TMOD3: variants seen among roughly 807,000 people sequenced by gnomAD.
TMOD3 encodes the protein tropomodulin-3.
A neutral mutation model predicts 39.2 loss-of-function variants in TMOD3; 20 were observed. The ratio of observed to expected loss-of-function variants is 0.51; its 90% CI spans 0.36 to 0.74. The LOEUF (loss-of-function observed/expected upper bound fraction) is 0.74. Ranked by LOEUF, TMOD3 falls within the 30% of genes least tolerant of loss-of-function variation. The pLI is 0.00. For synonymous variants in TMOD3, 143 were observed against 145.8 expected (o/e 0.98, Z 0.14); for missense variants, 381 against 412.8 (o/e 0.92, Z 0.67).
intron 1 of TMOD3, among the ~76,000 whole-genome samples, chr15:51,836,334 G>A (rs890723072): frequency 6.6e-6 from 1 of 151,908 alleles, no homozygotes; most frequent in South Asian, 2.1e-4. Context: ...CCAGCCCTAG[G>A]CAACCACTAA....
intron 2 of TMOD3, among the ~76,000 whole-genome samples, chr15:51,867,956 G>A (rs1287660289): frequency 2.0e-5 from 3 of 152,192 alleles, no homozygotes; most frequent in African/African-American, 7.2e-5. Flanking sequence ...CAAAAAGGCT[G>A]TACCCGTGTG....
rs556889290 is a variant in TMOD3, at chr15:51,868,276, G to A, written c.127-941G>A. Among the ~76,000 whole-genome samples, 32 of 151,758 alleles carry A rather than the reference G, an allele frequency of 2.1e-4. 1 individual carries two copies. In the South Asian group the frequency reaches 6.0e-3, roughly 29 times the overall value. On this transcript the variant is annotated intron_variant, in intron 2 of 9. Coordinates refer to ENST00000308580, the MANE Select transcript of TMOD3 (RefSeq NM_014547.5). ...TATTCTCTGTACATATATATACACTGAGCAGTTATTAAGCATTAATAAAAC... is the reference window on the plus strand; with the variant it reads ...TATTCTCTGTACATATATATACACTAAGCAGTTATTAAGCATTAATAAAAC...
chr15:51,886,603 C>T (rs916514476), intron 3 of TMOD3, among the ~76,000 whole-genome samples: 5 of 152,212 alleles, frequency 3.3e-5, no homozygotes, highest in South Asian at 2.1e-4. Flanking sequence ...TGCAGTGAGC[C>T]GAGATGGCAG....
chr15:51,895,688 A>C (rs1270908635), intron 6 of TMOD3, among the ~76,000 whole-genome samples: 2 of 152,178 alleles, frequency 1.3e-5, no homozygotes, highest in African/African-American at 4.8e-5. Context: ...AATCTCTCTT[A>C]GTGCTTTGTA....
At chr15:51,841,424 C>G (rs1031611248) in intron 1 of TMOD3, among the ~76,000 whole-genome samples, 21 of 152,160 alleles carry the variant, frequency 1.4e-4, no homozygotes, top group Admixed American at 1.2e-3. Flanking sequence ...TCAGCAACCT[C>G]CTCTCTTTTC....
Position 51,853,114 on chromosome 15 carries a change from T to C in TMOD3, c.-74-9697T>C, listed in dbSNP as rs540030950. Among the ~76,000 whole-genome samples the C allele has an allele frequency of 8.4e-4, 128 of 152,344 alleles. 1 individual carries two copies. The highest frequency in any genetic ancestry group is 5.9e-5 in the Non-Finnish European group (4 of 68,032). Reference sequence around the variant, plus strand: ...TTAATATCTAGTGAGGAAAGCTACATGAATAGCTGAATTTTAATTAGAAGA... The same window carrying C: ...TTAATATCTAGTGAGGAAAGCTACACGAATAGCTGAATTTTAATTAGAAGA... On this transcript the variant is annotated intron_variant, in intron 1 of 9. Transcript: ENST00000308580.
At chr15:51,842,794 A>G (rs992871723) in intron 1 of TMOD3, among the ~76,000 whole-genome samples, 1 of 152,200 alleles carries the variant, frequency 6.6e-6, no homozygotes, top group Non-Finnish European at 1.5e-5. Context: ...GAAGTACAAA[A>G]TACATTATGC....
intron 6 of TMOD3, among the ~76,000 whole-genome samples, chr15:51,895,828 G>T (rs925718140): frequency 6.6e-6 from 1 of 152,154 alleles, no homozygotes; most frequent in Non-Finnish European, 1.5e-5. Flanking sequence ...AATAATGAAG[G>T]CTGGGTGCAG....
chr15:51,907,941 A>T (rs1278383500), intron 9 of TMOD3, among the ~76,000 whole-genome samples: 1 of 152,180 alleles, frequency 6.6e-6, no homozygotes, highest in Admixed American at 6.5e-5. Flanking sequence ...GCCAAAGTTT[A>T]TGGTAGCCGG....
intron 3 of TMOD3, among the ~76,000 whole-genome samples, chr15:51,883,895 T>C (rs543953521): frequency 6.6e-6 from 1 of 152,222 alleles, no homozygotes; most frequent in East Asian, 1.9e-4. Context: ...CCCCCTGAAA[T>C]GTATACCACT....
intron 1 of TMOD3, among the ~76,000 whole-genome samples, chr15:51,835,451 G>A (rs1387900772): frequency 6.6e-6 from 1 of 152,156 alleles, no homozygotes; most frequent in Non-Finnish European, 1.5e-5. Flanking sequence ...TGGGACTACA[G>A]GCATGCACCA....
chr15:51,903,593 T>G (rs937529879), intron 9 of TMOD3, among the ~76,000 whole-genome samples: 2 of 152,250 alleles, frequency 1.3e-5, no homozygotes, highest in Non-Finnish European at 2.9e-5. Context: ...TGCTTGCTTT[T>G]GAAAATAGAA....
At chr15:51,840,111 G>C (rs1363287228) in intron 1 of TMOD3, among the ~76,000 whole-genome samples, 2 of 152,158 alleles carry the variant, frequency 1.3e-5, no homozygotes, top group Non-Finnish European at 2.9e-5. Context: ...AATAGATTGT[G>C]GTCTCTCTGT....
chr15:51,848,548 A>G (rs2570245), intron 1 of TMOD3, among the ~76,000 whole-genome samples: 7,433 of 152,296 alleles, frequency 0.049, 418 homozygotes, highest in African/African-American at 0.12. Context: ...ATTTTGAACC[A>G]TGCCAAACAG....
chr15:51,900,492 G>A (rs1027198899), intron 8 of TMOD3, among the ~76,000 whole-genome samples, 194 bp downstream of exon 8: 1 of 152,086 alleles, frequency 6.6e-6, no homozygotes, highest in Admixed American at 6.6e-5. Context: ...CAATGTAAAG[G>A]TGTATACTCT....
chr15:51,867,498 A>T (rs1258214387), intron 2 of TMOD3, among the ~76,000 whole-genome samples: 1 of 152,226 alleles, frequency 6.6e-6, no homozygotes, highest in Non-Finnish European at 1.5e-5. Flanking sequence ...GTACCATTAC[A>T]TAAAGGGTAA....
intron 9 of TMOD3, among the ~76,000 whole-genome samples, chr15:51,907,851 G>A (rs2056690230): frequency 6.6e-6 from 1 of 152,190 alleles, no homozygotes; most frequent in Non-Finnish European, 1.5e-5. Flanking sequence ...ACCAGTCCAG[G>A]AAGAGGCTGG....
rs562324627 is a variant in TMOD3, at chr15:51,905,812, C to T, written c.1025-2964C>T. Among the ~76,000 whole-genome samples the T allele has an allele frequency of 2.6e-4, 39 of 151,684 alleles. 1 individual carries two copies. The South Asian group carries it at 8.1e-3, about 32-fold the overall frequency. ...ACAAAAAATTAGCTGGGCGCGGTGG[C>T]GGGCGCCTGTAGTCCCAGCTACTCG... On this transcript the variant is annotated intron_variant, in intron 9 of 9. Transcript: ENST00000308580.
At chr15:51,878,374 A>ATGTGTGTGTG in intron 3 of TMOD3, among the ~76,000 whole-genome samples, 1 of 80,790 alleles carries the variant, frequency 1.2e-5, no homozygotes, top group East Asian at 5.3e-4. Flanking sequence ...TCTTTAAAAT[A>ATGTGTGTGTG]TATGTGTGTG....
Sources: allele counts gnomAD v4.1 joint callset (sites outside exome capture counted in the v4.1 genomes callset), GRCh38; gene constraint gnomAD v4.1.1; transcripts MANE v1.5; gene names NCBI Gene and HGNC (gene_info 2026-07-23, HGNC 2026-07-21).